Variants in CEP57L1 observed in about 807,000 individuals in gnomAD.
The protein encoded by CEP57L1 is centrosomal protein 57 like 1, also known as centrosomal protein CEP57L1.
CEP57L1 carries 37 observed loss-of-function variants against 61.0 expected under a neutral mutation model. That is an observed-to-expected ratio of 0.61 (90% CI 0.47 to 0.80). The LOEUF is 0.80. CEP57L1 is among the 30% of genes least tolerant of loss of function. The pLI, the probability that CEP57L1 is intolerant of heterozygous loss-of-function variation, is 0.00. For missense variants in CEP57L1, 422 were observed against 524.7 expected, an observed-to-expected ratio of 0.80 and a Z score of 1.91; for synonymous variants, 137 against 162.3, an observed-to-expected ratio of 0.84 and a Z score of 1.19.
chr6:109,170,100 T>A lies in CEP57L1; in HGVS notation c.*7130T>A, dbSNP rs190830184. Among the ~76,000 whole-genome samples, 1 of 152,166 alleles carries A rather than the reference T, an allele frequency of 6.6e-6. No individual in the cohort carries two copies. Among genetic ancestry groups the A allele is most frequent in the South Asian group, 2.1e-4 (1 of 4,824 alleles). On this transcript the variant is annotated 3_prime_UTR_variant, in exon 11 of 11. Transcript: ENST00000517392. Reference sequence around the variant, plus strand: ...AGCAAAGCCACTCTGCTCTGGACAATGGTCAGAAGGTAGGAAGAAGTGTTA... The same window carrying A: ...AGCAAAGCCACTCTGCTCTGGACAAAGGTCAGAAGGTAGGAAGAAGTGTTA...
intron 1 of CEP57L1, among the ~76,000 whole-genome samples, chr6:109,130,416 C>T (rs1290970696): frequency 6.6e-6 from 1 of 152,100 alleles, no homozygotes; most frequent in African/African-American, 2.4e-5. Flanking sequence ...GAGTTTCCTT[C>T]CTTTTTAAGG....
chr6:109,133,582 A>C (rs1280166355), intron 1 of CEP57L1, among the ~76,000 whole-genome samples: 2 of 152,092 alleles, frequency 1.3e-5, no homozygotes, highest in Non-Finnish European at 2.9e-5. Context: ...ACTGAAGGAG[A>C]TAGAGACACA....
At chr6:109,125,468 C>G (rs1773439244) in intron 1 of CEP57L1, among the ~76,000 whole-genome samples, 1 of 148,302 alleles carries the variant, frequency 6.7e-6, no homozygotes. Context: ...AGCAACTAAT[C>G]TGAGTGCCAT....
intron 1 of CEP57L1, among the ~76,000 whole-genome samples, chr6:109,097,781 G>A (rs1583322260): frequency 6.6e-6 from 1 of 152,314 alleles, no homozygotes; most frequent in East Asian, 1.9e-4. Context: ...TTTAAATAAG[G>A]TTGTTAGAAA....
At chr6:109,102,724 AATT>A (rs1770461416) in intron 1 of CEP57L1, among the ~76,000 whole-genome samples, 1 of 152,164 alleles carries the variant, frequency 6.6e-6, no homozygotes, top group African/African-American at 2.4e-5. Flanking sequence ...CTGGATCTGA[AATT>A]ATTATTTTGA....
intron 1 of CEP57L1, among the ~76,000 whole-genome samples, chr6:109,118,319 G>T (rs890834129): frequency 6.6e-6 from 1 of 152,238 alleles, no homozygotes; most frequent in African/African-American, 2.4e-5. Flanking sequence ...TTACAGGCGT[G>T]AGCCTGGCCA....
chr6:109,137,963 A>C (rs186323179), intron 1 of CEP57L1, among the ~76,000 whole-genome samples: 1 of 152,362 alleles, frequency 6.6e-6, no homozygotes, highest in Admixed American at 6.5e-5. Flanking sequence ...GAAGGGAGAG[A>C]ATAAGCCATG....
At chr6:109,159,548 ATC>A (rs772474751) in intron 9 of CEP57L1, 86 bp downstream of exon 9, 1 of 1,288,000 alleles carries the variant, frequency 7.8e-7, no homozygotes. Context: ...GTTTCAGGCA[ATC>A]CTCCTGCCTC....
chr6:109,158,264 G>C (rs1427428195), intron 7 of CEP57L1: 1 of 167,886 alleles, frequency 6.0e-6, no homozygotes, highest in Non-Finnish European at 1.3e-5. Context: ...AAGGCGAGTG[G>C]ATCATTTGAG....
In CEP57L1 at chr6:109,103,830, T is replaced by C. The variant is rs554096036; in HGVS notation, c.-4+8255T>C. 2.0e-5 allele frequency among the ~76,000 whole-genome samples: 3 copies of C among 152,302 alleles called. No homozygotes were observed. The South Asian group carries it at 6.2e-4, about 32-fold the overall frequency. On this transcript the variant is annotated intron_variant, in intron 1 of 10. Coordinates refer to ENST00000517392, the MANE Select transcript of CEP57L1 (RefSeq NM_001271852.3). The stretch of plus-strand genomic sequence containing the variant: ...GAATTTTATAAACCAGTCTCACTAC[T>C]GATTTTATTCTTATTTTTCTACTTA...
At position 109,169,576 on chromosome 6, in the gene CEP57L1, G is replaced by A. The variant is rs1774309294; in HGVS notation, c.*6606G>A. ...TATAGAATACAATTTTCAAACACTA[G>A]CCAACTTACCTTAGAGAAATACTGG... On this transcript the variant is annotated 3_prime_UTR_variant, in exon 11 of 11. Coordinates refer to ENST00000517392, the MANE Select transcript of CEP57L1 (RefSeq NM_001271852.3). 6.6e-6 allele frequency among the ~76,000 whole-genome samples: 1 copy of A among 152,040 alleles called. No individual in the cohort carries two copies. Among genetic ancestry groups the A allele is most frequent in the Admixed American group, 6.6e-5 (1 of 15,264 alleles).
intron 1 of CEP57L1, among the ~76,000 whole-genome samples, chr6:109,114,676 A>G (rs543004974): frequency 5.3e-5 from 8 of 152,264 alleles, no homozygotes; most frequent in Admixed American, 1.3e-4. Context: ...ACCAGAGGCA[A>G]GGGGCAGGGG....
In CEP57L1 at chr6:109,150,095, A is replaced by G. The variant is rs565095883; in HGVS notation, c.341-23A>G. 26 of 1,470,008 alleles carry G rather than the reference A, an allele frequency of 1.8e-5. No homozygotes were observed. In the Middle Eastern group the frequency reaches 6.3e-4, roughly 35 times the overall value. 91.1% of individuals were successfully genotyped at this position (1,470,008 alleles called of 1,614,324 possible). On this transcript the variant is annotated intron_variant, in intron 3 of 10. Transcript: ENST00000517392. ...GACAATTTGACTTCCTCTTTTCCTAATTGAATACCCTTTATTTCATAGATA... is the reference window on the plus strand; with the variant it reads ...GACAATTTGACTTCCTCTTTTCCTAGTTGAATACCCTTTATTTCATAGATA...
chr6:109,135,243 C>T (rs1396415323), intron 1 of CEP57L1, among the ~76,000 whole-genome samples: 7 of 152,072 alleles, frequency 4.6e-5, no homozygotes, highest in African/African-American at 1.4e-4. Context: ...AGAACAGAGC[C>T]GTCAGAAATA....
At chr6:109,143,041 C>T (rs1212539929) in intron 1 of CEP57L1, among the ~76,000 whole-genome samples, 1 of 142,576 alleles carries the variant, frequency 7.0e-6, no homozygotes, top group East Asian at 2.3e-4. Flanking sequence ...AGAAAGGGGC[C>T]AAAACTGTGT....
At chr6:109,106,523 A>G (rs1244118420) in intron 1 of CEP57L1, among the ~76,000 whole-genome samples, 1 of 152,098 alleles carries the variant, frequency 6.6e-6, no homozygotes, top group Non-Finnish European at 1.5e-5. Context: ...TAAAGTTGTC[A>G]TTTTTTATAT....
chr6:109,155,411 C>T, intron 6 of CEP57L1, 104 bp downstream of exon 6: 1 of 602,838 alleles, frequency 1.7e-6, no homozygotes, highest in Non-Finnish European at 2.6e-6. Context: ...ATTTCTGCTT[C>T]CTAAATTGTC....
intron 4 of CEP57L1, 99 bp from the exon 5 acceptor site, chr6:109,153,734 T>G: frequency 5.3e-6 from 4 of 750,628 alleles, no homozygotes; most frequent in Non-Finnish European, 7.1e-6. Flanking sequence ...TCTTAAGATA[T>G]TTATATTGTG....
rs186034169 is a variant in CEP57L1, at chr6:109,111,057, A to G, written c.-4+15482A>G. On this transcript the variant is annotated intron_variant, in intron 1 of 10. Coordinates refer to ENST00000517392, the MANE Select transcript of CEP57L1 (RefSeq NM_001271852.3). ...ATTTAAAGTAGTTTTTTCCAATTCC[A>G]TGAAGAAAGTCAATGGTAGCTTGAT... is the stretch of plus-strand genomic sequence containing the variant. 1.6e-3 allele frequency among the ~76,000 whole-genome samples: 248 copies of G among 152,034 alleles called. 1 individual carries two copies. Among genetic ancestry groups the G allele is most frequent in the Non-Finnish European group, 2.7e-3 (181 of 67,960 alleles).
Sources: gnomAD v4.1 joint callset for allele counts (sites outside exome capture counted in the v4.1 genomes callset) on GRCh38, gnomAD v4.1.1 for gene constraint, MANE v1.5 for transcripts, NCBI Gene and HGNC (gene_info 2026-07-23, HGNC 2026-07-21) for gene names.